Variants in CLIC5 observed in about 807,000 individuals in gnomAD.
The protein encoded by CLIC5 is chloride intracellular channel protein 5.
In CLIC5, 20 loss-of-function variants were observed where a neutral mutation model predicts 24.7. The observed-to-expected ratio is 0.81, with a 90% CI of 0.57 to 1.18. The LOEUF (loss-of-function observed/expected upper bound fraction) is 1.18, where lower values mean the gene tolerates loss of function less well. CLIC5 is among the 50% of genes most tolerant of loss of function. The pLI is 0.00. For missense variants in CLIC5, 341 were observed against 326.1 expected, an observed-to-expected ratio of 1.05 and a Z score of -0.35; for synonymous variants, 159 against 135.6, an observed-to-expected ratio of 1.17 and a Z score of -1.20.
rs757901169 is a variant in CLIC5, at chr6:45,940,919, G to A, written c.406+628C>T. The stretch of plus-strand genomic sequence containing the variant: ...AAGTGCTGTGAGCATAACTGGGGGG[G>A]ACTCAGCTCCCTTTCAGAAGGCCCC... On this transcript the variant is annotated intron_variant, in intron 4 of 5. Transcript: ENST00000339561. 2.6e-5 allele frequency among the ~76,000 whole-genome samples: 4 copies of A among 152,196 alleles called. No homozygotes were observed. The South Asian group carries it at 8.3e-4, about 32-fold the overall frequency.
chr6:45,941,770 T>G, intron 3 of CLIC5, 117 bp from the exon 4 acceptor site: 1 of 816,702 alleles, frequency 1.2e-6, no homozygotes, highest in South Asian at 1.5e-5. Context: ...ACAAAATGTT[T>G]TGGGGGTCTT....
At chr6:46,109,795 T>C in the CLIC5 span, among the ~76,000 whole-genome samples, 1 of 152,124 alleles carries the variant, frequency 6.6e-6, no homozygotes, top group Admixed American at 6.5e-5. Context: ...ACCTGATTTC[T>C]CCAGAATTTG....
chr6:46,084,856 T>C (rs1469974036), upstream of CLIC5, among the ~76,000 whole-genome samples: 1 of 152,236 alleles, frequency 6.6e-6, no homozygotes, highest in Non-Finnish European at 1.5e-5. Context: ...CTGGATAATA[T>C]CCTGCAGAGT....
At chr6:45,999,797 CTGCAG>C (rs1361300581) in intron 1 of CLIC5, among the ~76,000 whole-genome samples, 1 of 23,904 alleles carries the variant, frequency 4.2e-5, no homozygotes, top group Non-Finnish European at 7.3e-5. Context: ...GGACTGCGGA[CTGCAG>C]TGGCGCAATC....
chr6:46,004,227 G>A (rs1353272560), intron 1 of CLIC5, among the ~76,000 whole-genome samples: 1 of 152,180 alleles, frequency 6.6e-6, no homozygotes, highest in Non-Finnish European at 1.5e-5. Context: ...CAGGTGGGAT[G>A]CCAGTTTGTA....
chr6:45,905,851 A>G (rs1036953922), intron 5 of CLIC5, among the ~76,000 whole-genome samples: 2 of 152,180 alleles, frequency 1.3e-5, no homozygotes, highest in African/African-American at 4.8e-5. Flanking sequence ...TTACAAGTTG[A>G]GGTAAATCTT....
intron 1 of CLIC5, among the ~76,000 whole-genome samples, chr6:46,028,299 T>C (rs1252649126): frequency 1.3e-5 from 2 of 152,316 alleles, no homozygotes; most frequent in Admixed American, 1.3e-4. Flanking sequence ...AGATGCTGCA[T>C]GCCTGGCCAT....
chr6:46,054,394 T>G (rs1768190043), intron 1 of CLIC5, among the ~76,000 whole-genome samples: 1 of 152,148 alleles, frequency 6.6e-6, no homozygotes, highest in African/African-American at 2.4e-5. Flanking sequence ...ACTCTAAAAG[T>G]CTTAGCTGCT....
At chr6:46,024,923 A>G (rs1400777418) in intron 1 of CLIC5, among the ~76,000 whole-genome samples, 1 of 152,198 alleles carries the variant, frequency 6.6e-6, no homozygotes, top group Non-Finnish European at 1.5e-5. Context: ...TACAAAAGTA[A>G]AAATATGTTC....
chr6:46,109,334 C>A, the CLIC5 span, among the ~76,000 whole-genome samples: 1 of 151,944 alleles, frequency 6.6e-6, no homozygotes, highest in Non-Finnish European at 1.5e-5. Flanking sequence ...ACAGTTTAAT[C>A]TATTCCATAA....
intron 1 of CLIC5, among the ~76,000 whole-genome samples, chr6:46,046,012 A>G (rs2127462711): frequency 6.6e-6 from 1 of 152,302 alleles, no homozygotes; most frequent in East Asian, 1.9e-4. Context: ...ACTTTGGGGC[A>G]TGGGATTGGG....
intron 1 of CLIC5, among the ~76,000 whole-genome samples, chr6:45,965,149 C>A (rs568507060): frequency 2.5e-4 from 38 of 152,276 alleles, no homozygotes; most frequent in Admixed American, 1.4e-3. Context: ...ACATGAAGAA[C>A]TACAGCTATT....
intron 1 of CLIC5, among the ~76,000 whole-genome samples, chr6:46,077,442 A>G (rs563535656): frequency 1.3e-5 from 2 of 152,150 alleles, no homozygotes; most frequent in East Asian, 3.9e-4. Flanking sequence ...AGCTCCCTCC[A>G]GTGTGGGGGA....
At chr6:46,070,835 G>T (rs1040644201) in intron 1 of CLIC5, among the ~76,000 whole-genome samples, 2 of 151,988 alleles carry the variant, frequency 1.3e-5, no homozygotes, top group African/African-American at 4.8e-5. Context: ...TATACACAAG[G>T]CTACAGTAAC....
chr6:46,030,113 T>C (rs139658458), intron 1 of CLIC5, among the ~76,000 whole-genome samples: 1 of 152,290 alleles, frequency 6.6e-6, no homozygotes, highest in African/African-American at 2.4e-5. Context: ...CATACGTATA[T>C]ATAAATGTCT....
chr6:46,065,746 C>A (rs993597966), intron 1 of CLIC5, among the ~76,000 whole-genome samples: 2 of 152,098 alleles, frequency 1.3e-5, no homozygotes, highest in Non-Finnish European at 2.9e-5. Flanking sequence ...TTCTAGGAGG[C>A]AGGAGGTGTC....
intron 1 of CLIC5, among the ~76,000 whole-genome samples, chr6:46,047,703 C>A (rs944533346): frequency 1.3e-5 from 2 of 152,192 alleles, no homozygotes; most frequent in Middle Eastern, 3.4e-3. Flanking sequence ...GTTTTACGTC[C>A]CAACTATTAA....
At chr6:45,990,489 T>G (rs755200879) in intron 1 of CLIC5, among the ~76,000 whole-genome samples, 1 of 152,204 alleles carries the variant, frequency 6.6e-6, no homozygotes, top group Admixed American at 6.5e-5. Context: ...GGGTTTCACA[T>G]CTCACTCCCA....
rs1338468 is a variant in CLIC5, at chr6:45,985,802, T to C, written c.63+29678A>G. Among the ~76,000 whole-genome samples, 573 of 152,224 alleles carry C rather than the reference T, an allele frequency of 3.8e-3. 4 individuals carry two copies. Among genetic ancestry groups the C allele is most frequent in the African/African-American group, 0.012 (512 of 41,528 alleles). ...GATCTAAGTAAAGGGTCCTTGTAGT[T>C]GTTCTCCCATGTATAGGCCTCAATT... On this transcript the variant is annotated intron_variant, in intron 1 of 5. Transcript: ENST00000339561.
Sources: gnomAD v4.1 joint callset for allele counts (sites outside exome capture counted in the v4.1 genomes callset) on GRCh38, gnomAD v4.1.1 for gene constraint, MANE v1.5 for transcripts, NCBI Gene and HGNC (gene_info 2026-07-23, HGNC 2026-07-21) for gene names.